PRMT3: variants seen among roughly 807,000 people sequenced by gnomAD.
PRMT3 encodes protein arginine N-methyltransferase 3.
In PRMT3, 62 loss-of-function variants were observed where a neutral mutation model predicts 71.9. The ratio of observed to expected loss-of-function variants is 0.86; its 90% CI spans 0.70 to 1.07. The LOEUF is 1.07. Among genes scored for constraint, PRMT3 ranks in the 50% least tolerant of loss-of-function variants. The probability of loss-of-function intolerance (pLI) is 0.00; values close to 1 mark genes in which losing one functional copy is unlikely to be tolerated. For missense variants in PRMT3, 663 were observed against 643.0 expected, an observed-to-expected ratio of 1.03 and a Z score of -0.34; for synonymous variants, 213 against 220.4, an observed-to-expected ratio of 0.97 and a Z score of 0.30.
In PRMT3 at chr11:20,402,149, C is replaced by T. The variant is rs114161921; in HGVS notation, c.706-770C>T. Among the ~76,000 whole-genome samples the T allele has an allele frequency of 2.6e-5, 4 of 151,792 alleles. No homozygotes were observed. In the South Asian group the frequency reaches 6.2e-4, roughly 24 times the overall value. On this transcript the variant is annotated intron_variant, in intron 7 of 15. Coordinates refer to ENST00000331079, the MANE Select transcript of PRMT3 (RefSeq NM_005788.4). ...TTTTTGTTTTTTGAGACGGAATTTG[C>T]GCTCTTGTGGCCCAGGCTGGAGTGC...
chr11:20,440,495 A>AT (rs901222638), intron 10 of PRMT3, among the ~76,000 whole-genome samples: 1 of 64,048 alleles, frequency 1.6e-5, no homozygotes, highest in Non-Finnish European at 3.0e-5. Flanking sequence ...AATACAAAAA[A>AT]AAAAAAAAAA....
intron 7 of PRMT3, among the ~76,000 whole-genome samples, chr11:20,400,302 T>C (rs537113030): frequency 6.8e-4 from 104 of 152,338 alleles, no homozygotes; most frequent in Middle Eastern, 3.4e-3. Context: ...TTTTGGTACA[T>C]GTTTTAATTA....
At chr11:20,477,120 A>G (rs992750241) in intron 13 of PRMT3, among the ~76,000 whole-genome samples, 1 of 152,192 alleles carries the variant, frequency 6.6e-6, no homozygotes, top group Non-Finnish European at 1.5e-5. Context: ...TACAGTAAGG[A>G]TGACCACTAC....
At chr11:20,435,148 G>C (rs1849734906) in intron 10 of PRMT3, among the ~76,000 whole-genome samples, 2 of 152,048 alleles carry the variant, frequency 1.3e-5, no homozygotes, top group African/African-American at 4.8e-5. Flanking sequence ...TTTCCCCTAT[G>C]TTTTCTTCTA....
intron 13 of PRMT3, among the ~76,000 whole-genome samples, chr11:20,488,996 A>G (rs1851144588): frequency 6.6e-6 from 1 of 152,174 alleles, no homozygotes; most frequent in African/African-American, 2.4e-5. Flanking sequence ...TAAGATGTAC[A>G]ACAGAGCTCC....
At chr11:20,447,836 A>G (rs1225608351) in intron 10 of PRMT3, among the ~76,000 whole-genome samples, 1 of 152,108 alleles carries the variant, frequency 6.6e-6, no homozygotes, top group Non-Finnish European at 1.5e-5. Flanking sequence ...TCAGTTAAAT[A>G]TGAACACAAA....
intron 12 of PRMT3, among the ~76,000 whole-genome samples, chr11:20,462,894 C>G (rs1437816991): frequency 6.6e-6 from 1 of 151,378 alleles, no homozygotes; most frequent in Admixed American, 6.6e-5. Context: ...AAAAAAGAGT[C>G]TCACTCTGTC....
At chr11:20,416,852 AC>A (rs1357936419) in intron 9 of PRMT3, among the ~76,000 whole-genome samples, 2 of 151,958 alleles carry the variant, frequency 1.3e-5, no homozygotes, top group Non-Finnish European at 2.9e-5. Flanking sequence ...GTGTAAATCT[AC>A]CCCCAGCTTC....
Position 20,389,833 on chromosome 11 carries a change from A to G in PRMT3, c.247+7A>G, listed in dbSNP as rs1330321656. On this transcript the variant is annotated splice_region_variant and intron_variant, in intron 3 of 15. Transcript: ENST00000331079. ...AGCATGGTTCATAAACATGGTGAGTAGTTTTTAGAATAAAGGCAATTTAAT... is the reference window on the plus strand; with the variant it reads ...AGCATGGTTCATAAACATGGTGAGTGGTTTTTAGAATAAAGGCAATTTAAT... The G allele has an allele frequency of 1.3e-6, 2 of 1,594,452 alleles. No homozygotes were observed. Among genetic ancestry groups the G allele is most frequent in the Non-Finnish European group, 1.7e-6 (2 of 1,162,770 alleles).
chr11:20,485,322 G>A (rs149901499), intron 13 of PRMT3, among the ~76,000 whole-genome samples: 6 of 152,110 alleles, frequency 3.9e-5, no homozygotes, highest in Middle Eastern at 3.4e-3. Context: ...ATATTCAGAG[G>A]TAATCAGTCA....
intron 8 of PRMT3, among the ~76,000 whole-genome samples, chr11:20,404,141 T>C: frequency 8.2e-6 from 1 of 122,194 alleles, no homozygotes; most frequent in Non-Finnish European, 1.8e-5. Flanking sequence ...AAAATTATAG[T>C]TATCAGTTTT....
chr11:20,507,761 CAG>C (rs1263003231), intron 15 of PRMT3, among the ~76,000 whole-genome samples: 1 of 147,876 alleles, frequency 6.8e-6, no homozygotes, highest in Admixed American at 6.8e-5. Flanking sequence ...GCCTGGGCAA[CAG>C]AGAGAGACTG....
At chr11:20,456,067 G>C (rs1429575424) in intron 11 of PRMT3, among the ~76,000 whole-genome samples, 1 of 152,068 alleles carries the variant, frequency 6.6e-6, no homozygotes, top group Non-Finnish European at 1.5e-5. Context: ...ATTTCTAAAT[G>C]GCAGAATATG....
chr11:20,427,253 A>T (rs1849567901), intron 10 of PRMT3, among the ~76,000 whole-genome samples: 1 of 152,212 alleles, frequency 6.6e-6, no homozygotes, highest in Admixed American at 6.5e-5. Flanking sequence ...CACCATTATC[A>T]TACTGAATGT....
intron 3 of PRMT3, 65 bp from the exon 4 acceptor site, chr11:20,392,146 A>G (rs187427376): frequency 4.1e-6 from 6 of 1,460,716 alleles, no homozygotes; most frequent in Non-Finnish European, 4.7e-6. Flanking sequence ...AAGGCTTTAT[A>G]GAATAGGTCA....
intron 2 of PRMT3, 137 bp downstream of exon 2, chr11:20,388,291 G>C (rs1210311676): frequency 1.5e-6 from 2 of 1,306,352 alleles, no homozygotes; most frequent in East Asian, 2.5e-5. Flanking sequence ...TCTGGGGTGA[G>C]GGCTTGTGGA....
chr11:20,492,567 G>A (rs533101060), intron 13 of PRMT3, among the ~76,000 whole-genome samples: 37 of 152,142 alleles, frequency 2.4e-4, no homozygotes, highest in Non-Finnish European at 4.9e-4. Context: ...AAGTAGCAGA[G>A]TACACAAATT....
At chr11:20,444,892 C>T (rs954495735) in intron 10 of PRMT3, among the ~76,000 whole-genome samples, 9 of 152,044 alleles carry the variant, frequency 5.9e-5, no homozygotes, top group Admixed American at 2.6e-4. Flanking sequence ...TCAGGTTTTG[C>T]TTCAGGTATT....
intron 15 of PRMT3, among the ~76,000 whole-genome samples, chr11:20,506,284 T>A (rs1317735140): frequency 1.3e-5 from 2 of 152,190 alleles, no homozygotes; most frequent in Non-Finnish European, 2.9e-5. Flanking sequence ...CTTTATTATG[T>A]CCACTATTGG....
Sources: allele counts gnomAD v4.1 joint callset (sites outside exome capture counted in the v4.1 genomes callset), GRCh38; gene constraint gnomAD v4.1.1; transcripts MANE v1.5; gene names NCBI Gene and HGNC (gene_info 2026-07-23, HGNC 2026-07-21).